DRC11: variants seen among roughly 807,000 people sequenced by gnomAD.
DRC11 encodes dynein regulatory complex subunit 11, also known as IQ and AAA domain-containing protein 1.
At chr2:236,443,658 T>C in the DRC11 span, among the ~76,000 whole-genome samples, 9 of 152,324 alleles carry the variant, frequency 5.9e-5, no homozygotes, top group East Asian at 1.3e-3. This position sits in a 1 kb window ranked among gnomAD's most constrained non-coding sequence, Gnocchi z 4.4. Flanking sequence ...TCTTTGCTAT[T>C]GTGAATGGTG....
chr2:236,426,752 C>T, the DRC11 span, among the ~76,000 whole-genome samples: 6 of 152,120 alleles, frequency 3.9e-5, no homozygotes, highest in Admixed American at 3.9e-4. This position sits in a 1 kb window ranked among gnomAD's most constrained non-coding sequence, Gnocchi z 4.1. Context: ...AATTTCACTT[C>T]TTCCCTTCCT....
At chr2:236,408,234 G>A in the DRC11 span, 4 of 830,104 alleles carry the variant, frequency 4.8e-6, no homozygotes, top group South Asian at 4.0e-5. The surrounding 1 kb of genome is among the most constrained non-coding windows in gnomAD (Gnocchi z 5.5). Flanking sequence ...ATCTTCTTGT[G>A]ATCTCAGTGC....
the DRC11 span, among the ~76,000 whole-genome samples, chr2:236,417,646 G>T: frequency 2.6e-5 from 4 of 151,748 alleles, no homozygotes; most frequent in African/African-American, 9.7e-5. Context: ...GTGCCATGGT[G>T]GTTTACTGCA....
At chr2:236,343,289 C>G in the DRC11 span, among the ~76,000 whole-genome samples, 1 of 152,296 alleles carries the variant, frequency 6.6e-6, no homozygotes, top group Non-Finnish European at 1.5e-5. The surrounding 1 kb of genome is among the most constrained non-coding windows in gnomAD (Gnocchi z 6.6). Flanking sequence ...ATTCCCGTTC[C>G]CCTTGCTCTC....
chr2:236,408,065 A>G, the DRC11 span: 1 of 593,368 alleles, frequency 1.7e-6, no homozygotes, highest in Non-Finnish European at 3.2e-6. This position sits in a 1 kb window ranked among gnomAD's most constrained non-coding sequence, Gnocchi z 5.5. Context: ...CCCACCACAC[A>G]TTCCTTCAGC....
At chr2:236,343,341 A>G in the DRC11 span, among the ~76,000 whole-genome samples, 8 of 152,286 alleles carry the variant, frequency 5.3e-5, no homozygotes, top group African/African-American at 1.7e-4. This position sits in a 1 kb window ranked among gnomAD's most constrained non-coding sequence, Gnocchi z 6.6. Flanking sequence ...GCAAGCACTG[A>G]TGGCAAGCCC....
At chr2:236,459,477 TA>T in the DRC11 span, among the ~76,000 whole-genome samples, 4 of 143,774 alleles carry the variant, frequency 2.8e-5, no homozygotes, top group Non-Finnish European at 3.0e-5. Flanking sequence ...AAACTGTAAT[TA>T]AAAAATATGT....
the DRC11 span, among the ~76,000 whole-genome samples, chr2:236,378,772 C>T: frequency 1.3e-5 from 2 of 152,108 alleles, no homozygotes; most frequent in Admixed American, 1.3e-4. Context: ...CCCTCTGCCC[C>T]CCAAATCTGC....
At chr2:236,407,795 G>C in the DRC11 span, 9 of 259,212 alleles carry the variant, frequency 3.5e-5, no homozygotes, top group African/African-American at 6.9e-5. Context: ...TTTTTTCAGT[G>C]GAAAATAACT....
the DRC11 span, among the ~76,000 whole-genome samples, chr2:236,438,066 A>G: frequency 7.1e-6 from 1 of 140,392 alleles, no homozygotes; most frequent in Non-Finnish European, 1.5e-5. Context: ...TAGGGTTTTT[A>G]TGGTTTTAGA....
chr2:236,408,750 T>G, the DRC11 span: 8 of 681,198 alleles, frequency 1.2e-5, no homozygotes, highest in South Asian at 1.1e-4. This position sits in a 1 kb window ranked among gnomAD's most constrained non-coding sequence, Gnocchi z 5.5. Context: ...GCTGATGTAC[T>G]GAGCGAAGAT....
the DRC11 span, among the ~76,000 whole-genome samples, chr2:236,366,767 T>TTCCC: frequency 8.7e-6 from 1 of 115,266 alleles, no homozygotes; most frequent in South Asian, 2.6e-4. Flanking sequence ...TTCTCTTTTA[T>TTCCC]TCCCTCCCTC....
the DRC11 span, among the ~76,000 whole-genome samples, chr2:236,357,594 T>C: frequency 1.6e-5 from 2 of 126,612 alleles, no homozygotes; most frequent in African/African-American, 6.3e-5. Flanking sequence ...TAAATATGCA[T>C]TTATGTAAAT....
the DRC11 span, chr2:236,369,132 C>T: frequency 1.3e-5 from 2 of 152,164 alleles, no homozygotes; most frequent in East Asian, 3.8e-4. The surrounding 1 kb of genome is among the most constrained non-coding windows in gnomAD (Gnocchi z 4.5). Context: ...TTCCCTGATG[C>T]TTTCTTCCTA....
chr2:236,354,487 C>T, the DRC11 span, among the ~76,000 whole-genome samples: 4 of 152,044 alleles, frequency 2.6e-5, no homozygotes, highest in African/African-American at 7.3e-5. Context: ...CTTGAAGCCC[C>T]GTCTCCTCCC....
chr2:236,443,208 A>G, the DRC11 span, among the ~76,000 whole-genome samples: 3 of 152,240 alleles, frequency 2.0e-5, no homozygotes, highest in Admixed American at 6.5e-5. The surrounding 1 kb of genome is among the most constrained non-coding windows in gnomAD (Gnocchi z 4.4). Context: ...TGTGGGGTAC[A>G]TGAGCAGGAT....
At chr2:236,504,740 T>C in the DRC11 span, among the ~76,000 whole-genome samples, 3 of 152,212 alleles carry the variant, frequency 2.0e-5, no homozygotes, top group Non-Finnish European at 2.9e-5. The surrounding 1 kb of genome is among the most constrained non-coding windows in gnomAD (Gnocchi z 5.0). Flanking sequence ...TGGGGACAGT[T>C]ACCTCCATGC....
chr2:236,407,604 C>T, the DRC11 span, among the ~76,000 whole-genome samples: 53 of 152,252 alleles, frequency 3.5e-4, no homozygotes, highest in Admixed American at 3.3e-3. Flanking sequence ...ACACGGGCCA[C>T]ATGTACTTTT....
At chr2:236,337,861 G>A in the DRC11 span, among the ~76,000 whole-genome samples, 333 of 151,316 alleles carry the variant, frequency 2.2e-3, 1 homozygote, top group Middle Eastern at 0.038. This position sits in a 1 kb window ranked among gnomAD's most constrained non-coding sequence, Gnocchi z 4.9. Flanking sequence ...CTATGAGGAA[G>A]ACACCATCAC....
Sources: gnomAD v4.1 joint callset for allele counts (sites outside exome capture counted in the v4.1 genomes callset) on GRCh38, gnomAD v4.1.1 for gene constraint, Gnocchi (gnomAD v3.1) non-coding constraint, MANE v1.5 for transcripts, NCBI Gene and HGNC (gene_info 2026-07-23, HGNC 2026-07-21) for gene names.